PRH1: variants seen among roughly 807,000 people sequenced by gnomAD.
The protein encoded by PRH1 is proline rich protein HaeIII subfamily 1, also known as salivary acidic proline-rich phosphoprotein 1/2.
PRH1 carries 7 observed loss-of-function variants against 7.9 expected under a neutral mutation model. The observed-to-expected ratio is 0.89, with a 90% CI of 0.50 to 1.67. PRH1 has a LOEUF of 1.67. Among genes scored for constraint, PRH1 ranks in the 40% most tolerant of loss-of-function variants. The probability of loss-of-function intolerance (pLI) is 0.00; values close to 1 mark genes in which losing one functional copy is unlikely to be tolerated. For synonymous variants in PRH1, 45 were observed against 80.8 expected (o/e 0.56, Z 2.38); for missense variants, 109 against 223.6 (o/e 0.49, Z 3.27).
At chr12:10,973,082 A>G (rs1938912282) in intron 2 of PRH1, among the ~76,000 whole-genome samples, 2 of 152,066 alleles carry the variant, frequency 1.3e-5, no homozygotes, top group South Asian at 2.1e-4. Flanking sequence ...TTCAATATTT[A>G]TCAAACTGAT....
At chr12:10,923,608 T>C (rs550034010) in intron 2 of PRH1, among the ~76,000 whole-genome samples, 4 of 152,328 alleles carry the variant, frequency 2.6e-5, no homozygotes, top group Admixed American at 2.0e-4. Context: ...AAAAAATACA[T>C]AGGAAAGTTT....
At position 10,938,616 on chromosome 12, in the gene PRH1, A is replaced by G. The variant is rs202123922; in HGVS notation, c.-59+35039T>C. The G allele has an allele frequency of 1.9e-4, 307 of 1,613,996 alleles. 6 individuals carry two copies. The South Asian group carries it at 2.6e-3, about 14-fold the overall frequency. ...CACATGGAGAAGATGAGGAGAAGAAACATTGCCAGGGACAAAGTAAAGGGT... is the reference window on the plus strand; with the variant it reads ...CACATGGAGAAGATGAGGAGAAGAAGCATTGCCAGGGACAAAGTAAAGGGT... On this transcript the variant is annotated intron_variant, in intron 2 of 3. Transcript: ENST00000539853.
intron 2 of PRH1, among the ~76,000 whole-genome samples, chr12:10,928,315 A>G (rs1950152111): frequency 6.6e-6 from 1 of 152,200 alleles, no homozygotes; most frequent in Non-Finnish European, 1.5e-5. Context: ...CAAATCATCA[A>G]GTTGAATATA....
At chr12:10,904,057 T>A (rs1261246929) in intron 2 of PRH1, among the ~76,000 whole-genome samples, 1 of 151,374 alleles carries the variant, frequency 6.6e-6, no homozygotes, top group Non-Finnish European at 1.5e-5. Context: ...TCCATGCTCA[T>A]GGATAGGAAG....
At chr12:11,102,840 A>G (rs1945297326) in intron 1 of PRH1, among the ~76,000 whole-genome samples, 1 of 152,226 alleles carries the variant, frequency 6.6e-6, no homozygotes, top group Non-Finnish European at 1.5e-5. Context: ...AAACAAATTT[A>G]CAAGAAAAAA....
chr12:11,010,303 T>G (rs951415935), intron 1 of PRH1, among the ~76,000 whole-genome samples: 4 of 151,810 alleles, frequency 2.6e-5, no homozygotes, highest in Admixed American at 1.3e-4. Flanking sequence ...TGTAGATGAT[T>G]GATGATGATG....
intron 2 of PRH1, among the ~76,000 whole-genome samples, chr12:10,944,479 G>T (rs1950454393): frequency 6.6e-6 from 1 of 152,148 alleles, no homozygotes; most frequent in Non-Finnish European, 1.5e-5. Context: ...AGACTATGGG[G>T]TTTTGTAGAT....
chr12:11,031,194 G>A (rs760444623), intron 1 of PRH1: 4 of 1,510,784 alleles, frequency 2.6e-6, no homozygotes, highest in East Asian at 2.5e-5. Flanking sequence ...AGAGCAGTGA[G>A]AATCTGGTCA....
intron 2 of PRH1, chr12:10,897,013 T>A (rs1033157832): frequency 6.6e-6 from 1 of 152,150 alleles, no homozygotes; most frequent in Non-Finnish European, 1.5e-5. Flanking sequence ...GTCCAACTAC[T>A]CTGAGGTCAC....
At chr12:11,146,323 C>T (rs913666570) in intron 1 of PRH1, among the ~76,000 whole-genome samples, 11 of 151,680 alleles carry the variant, frequency 7.3e-5, no homozygotes, top group Non-Finnish European at 1.5e-4. Context: ...ATAAACTACT[C>T]TAAATGAGAA....
At chr12:10,891,199 A>G (rs1949568527) in intron 2 of PRH1, among the ~76,000 whole-genome samples, 1 of 152,176 alleles carries the variant, frequency 6.6e-6, no homozygotes, top group Non-Finnish European at 1.5e-5. Context: ...TGCAAGACAC[A>G]TTTACTTTCA....
chr12:10,964,759 T>C, intron 2 of PRH1: 1 of 658,770 alleles, frequency 1.5e-6, no homozygotes, highest in South Asian at 1.6e-5. Context: ...AAGAACAGAT[T>C]AAGAGCAGAA....
intron 2 of PRH1, among the ~76,000 whole-genome samples, chr12:10,941,935 CT>C (rs1475626420): frequency 6.6e-6 from 1 of 152,112 alleles, no homozygotes; most frequent in Non-Finnish European, 1.5e-5. Flanking sequence ...AGTATTCTCC[CT>C]TTTTTCCTAT....
chr12:11,069,218 G>C (rs78148057), intron 1 of PRH1, among the ~76,000 whole-genome samples: 64,932 of 120,958 alleles, frequency 0.54, 13,936 homozygotes, highest in Non-Finnish European at 0.62. Context: ...CATCCAACCT[G>C]GTACTGTTAC....
rs1312482653 is a variant in PRH1, at chr12:11,038,029, G to A, written c.-126+8991C>T. ...TGCACTCCAGCCTGGGCAACAGAGTGAGACGCTGTCTCAAAATAAAAAAAG... is the reference window on the plus strand; with the variant it reads ...TGCACTCCAGCCTGGGCAACAGAGTAAGACGCTGTCTCAAAATAAAAAAAG... On this transcript the variant is annotated intron_variant, in intron 1 of 3. Coordinates refer to the PRH1 transcript ENST00000539853. Among the ~76,000 whole-genome samples, 4 of 152,358 alleles carry A rather than the reference G, an allele frequency of 2.6e-5. No homozygotes were observed. The East Asian group carries it at 7.7e-4, about 29-fold the overall frequency.
At chr12:11,163,190 A>AG (rs1947468670) in intron 1 of PRH1, among the ~76,000 whole-genome samples, 1 of 134,120 alleles carries the variant, frequency 7.5e-6, no homozygotes, top group Non-Finnish European at 1.6e-5. Flanking sequence ...TTTAAAAGCA[A>AG]TTAAAAAAGG....
chr12:10,883,005 T>C (rs1042961444), intron 2 of PRH1, 56 bp downstream of exon 2: 40 of 1,580,340 alleles, frequency 2.5e-5, no homozygotes, highest in Non-Finnish European at 3.2e-5. Flanking sequence ...GGAGAACTCA[T>C]CAATTTTTCA....
chr12:10,955,618 T>C (rs191957662), intron 2 of PRH1, among the ~76,000 whole-genome samples: 1 of 151,096 alleles, frequency 6.6e-6, no homozygotes, highest in South Asian at 2.1e-4. Flanking sequence ...AAAAAAAACA[T>C]ACAAAAGGTC....
At position 11,088,555 on chromosome 12, in the gene PRH1, G is replaced by T. The variant is rs547555013; in HGVS notation, n.124-41367C>A. 4.9e-4 allele frequency among the ~76,000 whole-genome samples: 54 copies of T among 110,550 alleles called. 14 individuals carry two copies. Among genetic ancestry groups the T allele is most frequent in the African/African-American group, 1.6e-3 (52 of 32,642 alleles). 72.5% of individuals were successfully genotyped at this position (110,550 alleles called of 152,430 possible). ...ACACGTTGAAACAATCTTTTTTACAGTATATGGCATGTTGCTCTCTCTATA... is the reference window on the plus strand; with the variant it reads ...ACACGTTGAAACAATCTTTTTTACATTATATGGCATGTTGCTCTCTCTATA... On this transcript the variant is annotated intron_variant and non_coding_transcript_variant, in intron 1 of 4. Coordinates refer to the PRH1 transcript ENST00000541977.
Sources: allele counts gnomAD v4.1 joint callset (sites outside exome capture counted in the v4.1 genomes callset), GRCh38; gene constraint gnomAD v4.1.1; transcripts MANE v1.5; gene names NCBI Gene and HGNC (gene_info 2026-07-23, HGNC 2026-07-21).